The following CYFIP1 variants were observed in gnomAD, a reference collection of about 807,000 sequenced individuals.
The protein encoded by CYFIP1 is cytoplasmic FMR1-interacting protein 1.
A neutral mutation model predicts 163.5 loss-of-function variants in CYFIP1; 58 were observed. The observed-to-expected ratio is 0.35, with a 90% CI of 0.29 to 0.44. CYFIP1 has a LOEUF of 0.44. Among genes scored for constraint, CYFIP1 ranks in the 20% least tolerant of loss-of-function variants. The pLI is 1.00. For missense variants in CYFIP1, 1,338 were observed against 1,653.8 expected (o/e 0.81, Z 3.31); for synonymous variants, 663 against 660.7 (o/e 1.00, Z -0.05).
intron 1 of CYFIP1, among the ~76,000 whole-genome samples, chr15:22,951,086 T>C (rs1002543654): frequency 2.0e-5 from 3 of 151,962 alleles, no homozygotes; most frequent in Non-Finnish European, 4.4e-5. Context: ...ACGCGGGGTG[T>C]TGGGCCGGTT....
intron 13 of CYFIP1, among the ~76,000 whole-genome samples, chr15:22,922,955 G>A (rs549060654): frequency 4.0e-5 from 6 of 151,314 alleles, no homozygotes; most frequent in Non-Finnish European, 8.8e-5. Context: ...TCATGCCACT[G>A]CACTCCAGCC....
intron 21 of CYFIP1, among the ~76,000 whole-genome samples, chr15:22,906,271 T>C (rs1380812811): frequency 6.6e-6 from 1 of 151,622 alleles, no homozygotes; most frequent in Admixed American, 6.6e-5. Flanking sequence ...CACGCCCGGC[T>C]AATTTTTTGT....
rs1187350961 is a variant in CYFIP1, at chr15:22,882,991, G to A, written c.2697C>T (p.Ser899=). 1.9e-6 allele frequency: 3 copies of A among 1,613,776 alleles called. No homozygotes were observed. The highest frequency in any genetic ancestry group is 2.7e-5 in the African/African-American group (2 of 74,892). ...AGTTCCGGTAGCTGCCGTAAATGCT[G>A]GAGTAGGCCAAGTTCAAAGCCTGGA... ...HGSKALNLAY[S]SIYGSYRNFV... is the part of the protein sequence containing the mutation. Residue 899 remains serine (S), a synonymous_variant, in exon 24 of 31, where the codon TCC becomes TCT. Transcript: ENST00000617928.
At chr15:22,893,048 T>C in intron 22 of CYFIP1, 71 bp from the exon 23 acceptor site, 3 of 1,106,270 alleles carry the variant, frequency 2.7e-6, no homozygotes, top group Non-Finnish European at 4.0e-6. Context: ...TCAGAAGTCC[T>C]CCATAATCCA....
In CYFIP1 at chr15:22,943,573, A is replaced by G. The variant is rs145440415; in HGVS notation, c.388-219T>C. ...ATCATTACTTGACTTGCACTTTACC[A>G]ACTACATCACTAAAGTAACAAAATC... On this transcript the variant is annotated intron_variant, in intron 5 of 30. Coordinates refer to ENST00000617928, the MANE Select transcript of CYFIP1 (RefSeq NM_014608.6). Among the ~76,000 whole-genome samples, 109 of 152,306 alleles carry G rather than the reference A, an allele frequency of 7.2e-4. 2 individuals are homozygous for G. In the East Asian group the frequency reaches 0.019, roughly 27 times the overall value.
At chr15:22,916,794 G>T (rs759159471) in intron 15 of CYFIP1, 164 bp from the exon 16 acceptor site, 2 of 1,578,846 alleles carry the variant, frequency 1.3e-6, no homozygotes, top group African/African-American at 1.4e-5. Flanking sequence ...ACGCGGCCAC[G>T]TTGCTGCTGC....
At position 22,944,655 on chromosome 15, in the gene CYFIP1, T is replaced by C. The variant is rs1457767763; in HGVS notation, c.290A>G (p.Lys97Arg). The change falls in exon 5 of 31, where the codon AAA becomes AGA. Residue 97 changes from lysine to arginine, a missense_variant. By Grantham distance (26) the Lys-to-Arg change is conservative. This residue lies in a region of CYFIP1 where 186 missense variants were observed against 288.3 expected (regional missense o/e 0.65). Transcript: ENST00000617928. The part of the protein sequence containing the change: ...RSCSRAIPQV[K>R]CNEQPNRVEI... ...CACTCTGTTAGGCTGCTCGTTACAT[T>C]TCACCTGGGAATAAAGGAACAAGGA... The C allele has an allele frequency of 2.5e-6, 4 of 1,613,160 alleles. No homozygotes were observed. In the South Asian group the frequency reaches 4.4e-5, roughly 18 times the overall value.
At chr15:22,970,557 G>A (rs1206676222) in intron 1 of CYFIP1, among the ~76,000 whole-genome samples, 1 of 152,160 alleles carries the variant, frequency 6.6e-6, no homozygotes. Flanking sequence ...TAAAGCTACA[G>A]TAATTGAAAC....
chr15:22,946,779 A>G, intron 3 of CYFIP1: 1 of 680,970 alleles, frequency 1.5e-6, no homozygotes, highest in Non-Finnish European at 2.7e-6. Flanking sequence ...TGAAACGCTG[A>G]CAAAGGTTTT....
rs1348156580 is a variant in CYFIP1, at chr15:22,870,176, A to T, written c.3614T>A (p.Val1205Glu). Reference sequence around the variant, plus strand: ...AATCTGGAACTTGCGAATTCTCTCCACCATCTTCTTCAAAGGCTACAACCA... The same window carrying T: ...AATCTGGAACTTGCGAATTCTCTCCTCCATCTTCTTCAAAGGCTACAACCA... ...IIKNVPLKKM[V>E]ERIRKFQILN... The change falls in exon 31 of 31, where the codon GTG becomes GAG. Residue 1205 changes from valine (V) to glutamate (E), a missense_variant. Around this residue, in one of 4 missense-constraint regions of CYFIP1, gnomAD observed 306 missense variants for 322.1 expected, o/e 0.95. Coordinates refer to ENST00000617928, the MANE Select transcript of CYFIP1 (RefSeq NM_014608.6). 6.2e-7 allele frequency: 1 copy of T among 1,610,108 alleles called. No individual in the cohort carries two copies.
rs2059297184 is a variant in CYFIP1, at chr15:22,868,371, A to AAATTC, written c.*1656_*1657insGAATT. ...ACATGCATAGGTTAATAAATAATAA[A>AAATTC]TTCTTATTTAACATTTTGTAGCACT... On this transcript the variant is annotated 3_prime_UTR_variant, in exon 31 of 31. Coordinates refer to ENST00000617928, the MANE Select transcript of CYFIP1 (RefSeq NM_014608.6). 1 of 147,422 alleles carries AAATTC rather than the reference A, an allele frequency of 6.8e-6. No homozygotes were observed. The highest frequency in any genetic ancestry group is 2.5e-5 in the African/African-American group (1 of 40,440). 9.1% of individuals were successfully genotyped at this position (147,422 alleles called of 1,614,324 possible).
intron 29 of CYFIP1, 77 bp downstream of exon 29, chr15:22,873,414 T>A: frequency 8.1e-7 from 1 of 1,238,066 alleles, no homozygotes; most frequent in Non-Finnish European, 1.2e-6. Flanking sequence ...TGGCTGCTTG[T>A]TAGCCTAACA....
chr15:22,915,880 C>T (rs981041476), intron 16 of CYFIP1, among the ~76,000 whole-genome samples: 8 of 152,142 alleles, frequency 5.3e-5, no homozygotes, highest in African/African-American at 1.9e-4. Flanking sequence ...TTAAAAGAGC[C>T]CACACTCGAA....
intron 1 of CYFIP1, among the ~76,000 whole-genome samples, chr15:22,971,669 T>A (rs2063100392): frequency 6.9e-6 from 1 of 145,098 alleles, no homozygotes; most frequent in African/African-American, 2.6e-5. Context: ...AGACCAAAAC[T>A]CTGTCTCAAA....
chr15:22,946,990 A>G lies in CYFIP1; in HGVS notation c.207+13T>C. The G allele has an allele frequency of 6.2e-7, 1 of 1,610,302 alleles. No individual in the cohort carries two copies. The highest frequency in any genetic ancestry group is 8.5e-7 in the Non-Finnish European group (1 of 1,176,462). ...TCTCTGCAGAGAGAAACAAAGACAC[A>G]CCGCAACATTACCATGCTAGAGTGG... On this transcript the variant is annotated intron_variant, in intron 3 of 30. Coordinates refer to ENST00000617928, the MANE Select transcript of CYFIP1 (RefSeq NM_014608.6).
At position 22,932,297 on chromosome 15, in the gene CYFIP1, A is replaced by T. The variant is rs1201938662; in HGVS notation, c.1036T>A (p.Cys346Ser). The T allele has an allele frequency of 6.2e-7, 1 of 1,612,862 alleles. No individual in the cohort carries two copies. The highest frequency in any genetic ancestry group is 2.2e-5 in the East Asian group (1 of 44,786). ...SSGSSPQYNICEQMIQIREDH... is the reference protein window; with the variant it reads ...SSGSSPQYNISEQMIQIREDH... ...TCGCGGATCTGGATCATCTGCTCGC[A>T]GATGTTGTACTGAGGGCTGCTGCCG... The change falls in exon 11 of 31, where the codon TGC (cysteine) becomes AGC (serine). Residue 346 changes from cysteine to serine, a missense_variant. Physicochemically the swap from Cys to Ser is moderately radical, Grantham distance 112. This residue lies in a region of CYFIP1 where 824 missense variants were observed against 995.7 expected (regional missense o/e 0.83). Transcript: ENST00000617928.
At chr15:22,961,210 C>T (rs147572006) in intron 1 of CYFIP1, among the ~76,000 whole-genome samples, 2,295 of 151,560 alleles carry the variant, frequency 0.015, 59 homozygotes, top group African/African-American at 0.051. Context: ...TTAGTAGAGA[C>T]GGGGTTTCAC....
In CYFIP1 at chr15:22,914,918, C is replaced by T. The variant is rs749770373; in HGVS notation, c.1829-36G>A. On this transcript the variant is annotated intron_variant, in intron 16 of 30. Transcript: ENST00000617928. ...TCAAACAACTCCATGTTATCTCCCG[C>T]AAGCAAAAAAAAACCTTTAGCAGAG... The T allele has an allele frequency of 7.0e-6, 11 of 1,564,684 alleles. No individual in the cohort carries two copies. The Admixed American group carries it at 2.2e-4, about 31-fold the overall frequency.
At chr15:22,891,632 C>T (rs571065353) in intron 23 of CYFIP1, among the ~76,000 whole-genome samples, 21 of 152,272 alleles carry the variant, frequency 1.4e-4, no homozygotes, top group Non-Finnish European at 2.4e-4. Context: ...TTTTCAGGGG[C>T]GGGAGAGACG....
Sources: gnomAD v4.1 joint callset for allele counts (sites outside exome capture counted in the v4.1 genomes callset) on GRCh38, gnomAD v4.1.1 for gene constraint, gnomAD v4.1.1 regional missense constraint, MANE v1.5 for transcripts, NCBI Gene and HGNC (gene_info 2026-07-23, HGNC 2026-07-21) for gene names.